Variants in ANTXR1 observed in about 807,000 individuals in gnomAD.
ANTXR1 encodes the protein anthrax toxin receptor 1.
In ANTXR1, 19 loss-of-function variants were observed where a neutral mutation model predicts 78.1. The observed-to-expected ratio is 0.24, with a 90% CI of 0.17 to 0.36. ANTXR1 has a LOEUF of 0.36. ANTXR1 is among the 10% of genes least tolerant of loss of function. ANTXR1 has a pLI of 1.00. For synonymous variants in ANTXR1, 273 were observed against 260.5 expected (o/e 1.05, Z -0.46); for missense variants, 518 against 718.6 (o/e 0.72, Z 3.19).
At chr2:69,111,986 A>G in intron 10 of ANTXR1, among the ~76,000 whole-genome samples, 1 of 152,312 alleles carries the variant, frequency 6.6e-6, no homozygotes, top group East Asian at 1.9e-4. Flanking sequence ...GAGTCTTGCC[A>G]TATGTTGGTC....
chr2:69,080,027 G>A lies in ANTXR1; in HGVS notation c.642+2539G>A, dbSNP rs557773745. On this transcript the variant is annotated intron_variant, in intron 8 of 17. Transcript: ENST00000303714. ...TTTAAGAAATTTTAGCGAAACTATC[G>A]TTCAAAATAGAAAGAAAACTAATTT... 3.9e-5 allele frequency among the ~76,000 whole-genome samples: 6 copies of A among 152,248 alleles called. No homozygotes were observed. In the South Asian group the frequency reaches 1.0e-3, roughly 26 times the overall value.
chr2:69,110,880 C>G (rs1671961184), intron 10 of ANTXR1, among the ~76,000 whole-genome samples: 1 of 152,128 alleles, frequency 6.6e-6, no homozygotes, highest in African/African-American at 2.4e-5. Flanking sequence ...AGTTACAAAA[C>G]AATACACTGA....
In ANTXR1 at chr2:69,165,647, T is replaced by A. The variant is rs145848119; in HGVS notation, c.1048-4601T>A. Among the ~76,000 whole-genome samples, 344 of 152,356 alleles carry A rather than the reference T, an allele frequency of 2.3e-3. 1 individual carries two copies. The highest frequency in any genetic ancestry group is 7.7e-3 in the African/African-American group (319 of 41,588). ...ATTCTTTTGCTGCTAAAGCAGCATGTGGGCCTGACTCGCGGCTTCAAACGG... is the reference window on the plus strand; with the variant it reads ...ATTCTTTTGCTGCTAAAGCAGCATGAGGGCCTGACTCGCGGCTTCAAACGG... On this transcript the variant is annotated intron_variant, in intron 13 of 17. Transcript: ENST00000303714.
rs760512807 is a variant in ANTXR1, at chr2:69,193,456, C to CTCTT, written c.1434+44_1434+45insTTCT. ...TCATTAATGGTGTCTCTCTCTCTCTCTCTCACATACACACACACACACACA... is the reference window on the plus strand; with the variant it reads ...TCATTAATGGTGTCTCTCTCTCTCTCTCTTTCTCACATACACACACACACACACA... On this transcript the variant is annotated intron_variant, in intron 17 of 17. Transcript: ENST00000303714. The CTCTT allele has an allele frequency of 7.7e-6, 10 of 1,306,542 alleles. No homozygotes were observed. In the African/African-American group the frequency reaches 1.8e-4, roughly 24 times the overall value. 80.9% of individuals were successfully genotyped at this position (1,306,542 alleles called of 1,614,324 possible).
chr2:69,154,849 C>T (rs1673482753), intron 13 of ANTXR1, among the ~76,000 whole-genome samples: 2 of 152,206 alleles, frequency 1.3e-5, no homozygotes, highest in African/African-American at 4.8e-5. Flanking sequence ...CTGAGCCACA[C>T]ATTAACCCAC....
chr2:69,123,470 C>T (rs748690583), intron 11 of ANTXR1, among the ~76,000 whole-genome samples: 3 of 152,202 alleles, frequency 2.0e-5, no homozygotes, highest in Non-Finnish European at 4.4e-5. Context: ...CTCGCTCTGT[C>T]ATCACCATTG....
chr2:69,152,815 A>G (rs1376469123), intron 13 of ANTXR1, among the ~76,000 whole-genome samples: 3 of 152,168 alleles, frequency 2.0e-5, no homozygotes, highest in Non-Finnish European at 2.9e-5. Context: ...GCACTGGGCT[A>G]AGCACTTTGG....
chr2:69,084,093 C>T (rs1412072242), intron 8 of ANTXR1, among the ~76,000 whole-genome samples: 1 of 152,196 alleles, frequency 6.6e-6, no homozygotes, highest in African/African-American at 2.4e-5. Flanking sequence ...TTCCTGCAGC[C>T]CCTCCTCCTA....
intron 17 of ANTXR1, among the ~76,000 whole-genome samples, chr2:69,216,425 A>G (rs1675177885): frequency 6.6e-6 from 1 of 152,096 alleles, no homozygotes; most frequent in Non-Finnish European, 1.5e-5. Context: ...GCATATACAT[A>G]CATATACACA....
chr2:69,244,122 G>T (rs1389432692), intron 17 of ANTXR1, among the ~76,000 whole-genome samples: 1 of 152,218 alleles, frequency 6.6e-6, no homozygotes, highest in African/African-American at 2.4e-5. Flanking sequence ...GGTATCTACT[G>T]GGGGACAGAG....
intron 17 of ANTXR1, among the ~76,000 whole-genome samples, chr2:69,206,036 G>A (rs1375363568): frequency 6.6e-6 from 1 of 151,938 alleles, no homozygotes; most frequent in Non-Finnish European, 1.5e-5. Flanking sequence ...CTTTTTGGCT[G>A]ATACCATTGA....
In ANTXR1 at chr2:69,092,942, T is replaced by C. The variant is rs1259825742; in HGVS notation, c.703+2023T>C. Reference sequence around the variant, plus strand: ...TTAAAACAATTAGAAAATAAGGGAGTTCCTTGACTGCAATTATTGCTTTCA... The same window carrying C: ...TTAAAACAATTAGAAAATAAGGGAGCTCCTTGACTGCAATTATTGCTTTCA... On this transcript the variant is annotated intron_variant, in intron 9 of 17. Coordinates refer to ENST00000303714, the MANE Select transcript of ANTXR1 (RefSeq NM_032208.3). Among the ~76,000 whole-genome samples the C allele has an allele frequency of 3.9e-5, 6 of 152,222 alleles. No individual in the cohort carries two copies. In the East Asian group the frequency reaches 1.2e-3, roughly 29 times the overall value.
intron 10 of ANTXR1, among the ~76,000 whole-genome samples, chr2:69,115,812 G>A (rs1316717364): frequency 6.6e-6 from 1 of 152,200 alleles, no homozygotes; most frequent in East Asian, 1.9e-4. Context: ...AACAATACCA[G>A]GTCAGGGAAA....
intron 13 of ANTXR1, 133 bp downstream of exon 13, chr2:69,152,397 A>G: frequency 2.2e-6 from 2 of 898,006 alleles, no homozygotes; most frequent in Non-Finnish European, 3.6e-6. Flanking sequence ...CAATTTATAC[A>G]AAATTGATGT....
At chr2:69,211,303 A>G (rs968982826) in intron 17 of ANTXR1, among the ~76,000 whole-genome samples, 1 of 152,220 alleles carries the variant, frequency 6.6e-6, no homozygotes, top group African/African-American at 2.4e-5. Context: ...GTGCTAAGGA[A>G]TGCAAACCCA....
intron 10 of ANTXR1, among the ~76,000 whole-genome samples, chr2:69,109,680 C>T (rs576216606): frequency 2.4e-4 from 37 of 152,280 alleles, no homozygotes; most frequent in Non-Finnish European, 4.0e-4. Flanking sequence ...TAATCTCACA[C>T]CTTTCATCCA....
rs1671214175 is a variant in ANTXR1 at position 69,090,989 on chromosome 2, CTTCA to C, written c.703+73_703+76del. On this transcript the variant is annotated intron_variant, in intron 9 of 17. Coordinates refer to ENST00000303714, the MANE Select transcript of ANTXR1 (RefSeq NM_032208.3). ...ATTTTGAGTTCAAGTCACGTATGTA[CTTCA>C]TTGTTGGTGGGGTGGGAAAGAGGAA... 3.3e-6 allele frequency: 5 copies of C among 1,499,436 alleles called. No individual in the cohort carries two copies. In the East Asian group the frequency reaches 1.1e-4, roughly 34 times the overall value. The allele number at this position is 1,499,436 out of a possible 1,614,324, so 92.9% of individuals were successfully genotyped here. A position where few individuals can be genotyped will look rare whatever the true frequency, so the allele number is the denominator to read the frequency against.
rs533549245 is a variant in ANTXR1 at position 69,057,201 on chromosome 2, T to C, written c.296+12388T>C. Among the ~76,000 whole-genome samples the C allele has an allele frequency of 4.6e-5, 7 of 152,362 alleles. No homozygotes were observed. The South Asian group carries it at 1.4e-3, about 32-fold the overall frequency. ...CATAGACAATTTGTTTCTAACTTTT[T>C]GTTATTATAAACAAAGAGGAAATGA... On this transcript the variant is annotated intron_variant, in intron 3 of 17. Transcript: ENST00000303714.
At chr2:69,091,051 A>G in intron 9 of ANTXR1, 132 bp downstream of exon 9, 1 of 857,574 alleles carries the variant, frequency 1.2e-6, no homozygotes, top group Non-Finnish European at 1.9e-6. Flanking sequence ...AGGAGCTGAA[A>G]TTGCTAACCA....
Sources: allele counts gnomAD v4.1 joint callset (sites outside exome capture counted in the v4.1 genomes callset), GRCh38; gene constraint gnomAD v4.1.1; transcripts MANE v1.5; gene names NCBI Gene and HGNC (gene_info 2026-07-23, HGNC 2026-07-21).